Variants in LYPD6B observed in about 807,000 individuals in gnomAD.
The protein encoded by LYPD6B is ly6/PLAUR domain-containing protein 6B.
A neutral mutation model predicts 22.8 loss-of-function variants in LYPD6B; 17 were observed. That is an observed-to-expected ratio of 0.75 (90% confidence interval 0.51 to 1.12). The LOEUF (loss-of-function observed/expected upper bound fraction) is 1.12, where lower values mean the gene tolerates loss of function less well. Ranked by LOEUF, LYPD6B falls within the 50% of genes most tolerant of loss-of-function variation. LYPD6B has a pLI of 0.00. For missense variants in LYPD6B, 221 were observed against 258.3 expected, an observed-to-expected ratio of 0.86 and a Z score of 0.99; for synonymous variants, 106 against 91.6, an observed-to-expected ratio of 1.16 and a Z score of -0.90.
intron 1 of LYPD6B, among the ~76,000 whole-genome samples, chr2:149,049,077 A>G (rs1398808323): frequency 6.6e-6 from 1 of 152,162 alleles, no homozygotes; most frequent in Non-Finnish European, 1.5e-5. Flanking sequence ...TGTTATTCCA[A>G]TGTAAATGGC....
At chr2:149,143,670 CAGTAAATAACCCCCACAG>C (rs1366655851) in intron 2 of LYPD6B, among the ~76,000 whole-genome samples, 1 of 152,090 alleles carries the variant, frequency 6.6e-6, no homozygotes, top group Non-Finnish European at 1.5e-5. Flanking sequence ...TCACGAGATG[CAGTAAATAACCCCCACAG>C]AGTTTAATTG....
chr2:149,197,566 A>G (rs1692892332), intron 3 of LYPD6B, among the ~76,000 whole-genome samples: 1 of 152,122 alleles, frequency 6.6e-6, no homozygotes, highest in South Asian at 2.1e-4. Context: ...CTCAAAACGA[A>G]TTTCAGGTGT....
intron 2 of LYPD6B, among the ~76,000 whole-genome samples, chr2:149,152,341 C>T (rs1456676728): frequency 6.6e-6 from 1 of 152,166 alleles, no homozygotes; most frequent in Non-Finnish European, 1.5e-5. Context: ...GTAACTAAAG[C>T]AGAGTTCTGT....
chr2:149,092,508 C>A (rs557119599), intron 1 of LYPD6B, among the ~76,000 whole-genome samples: 26 of 152,210 alleles, frequency 1.7e-4, no homozygotes, highest in African/African-American at 6.3e-4. Flanking sequence ...AGTTGACTTT[C>A]CATATCTGCT....
intron 1 of LYPD6B, among the ~76,000 whole-genome samples, chr2:149,066,993 A>G (rs1394430771): frequency 6.6e-6 from 1 of 152,048 alleles, no homozygotes; most frequent in Non-Finnish European, 1.5e-5. Flanking sequence ...TCCTGTGTCT[A>G]TTGTAGCTAT....
intron 1 of LYPD6B, among the ~76,000 whole-genome samples, chr2:149,080,761 G>C (rs1180394125): frequency 7.1e-6 from 1 of 140,938 alleles, no homozygotes; most frequent in Non-Finnish European, 1.5e-5. Flanking sequence ...AGAATGGCTT[G>C]AACCTGGGAG....
Position 149,214,793 on chromosome 2 carries a change from A to C in LYPD6B, c.*83A>C. 7.0e-7 allele frequency: 1 copy of C among 1,432,278 alleles called. No individual in the cohort carries two copies. Among genetic ancestry groups the C allele is most frequent in the South Asian group, 1.2e-5 (1 of 84,300 alleles). 88.7% of individuals were successfully genotyped at this position (1,432,278 alleles called of 1,614,324 possible). A position where few individuals can be genotyped will look rare whatever the true frequency, so the allele number is the denominator to read the frequency against. On this transcript the variant is annotated 3_prime_UTR_variant, in exon 7 of 7. Coordinates refer to ENST00000409642, the MANE Select transcript of LYPD6B (RefSeq NM_177964.5). ...GTGAACGGTGAACTTTGGAGTGAAGATCAATCTTGCACTTGGTGAAGAGTG... is the reference window on the plus strand; with the variant it reads ...GTGAACGGTGAACTTTGGAGTGAAGCTCAATCTTGCACTTGGTGAAGAGTG...
chr2:149,144,475 T>C (rs114560395), intron 2 of LYPD6B, among the ~76,000 whole-genome samples: 3,670 of 152,266 alleles, frequency 0.024, 77 homozygotes, highest in Non-Finnish European at 0.037. Context: ...CACTGTACTT[T>C]CCACCTCCCA....
Position 149,121,614 on chromosome 2 carries a change from G to A in LYPD6B, c.-66-9269G>A, listed in dbSNP as rs187224172. On this transcript the variant is annotated intron_variant, in intron 1 of 6. Coordinates refer to ENST00000409642, the MANE Select transcript of LYPD6B (RefSeq NM_177964.5). ...GTCATGTCCAGCTCTGGGCTGAAGGGATGAGAGAGGAACATAGTGTTTCAT... is the reference window on the plus strand; with the variant it reads ...GTCATGTCCAGCTCTGGGCTGAAGGAATGAGAGAGGAACATAGTGTTTCAT... Among the ~76,000 whole-genome samples, 13 of 152,308 alleles carry A rather than the reference G, an allele frequency of 8.5e-5. No individual in the cohort carries two copies. In the East Asian group the frequency reaches 2.5e-3, roughly 29 times the overall value.
In LYPD6B at chr2:149,180,988, G is replaced by A. The variant is rs371382560; in HGVS notation, c.77+20153G>A. 3.7e-4 allele frequency among the ~76,000 whole-genome samples: 57 copies of A among 152,272 alleles called. No homozygotes were observed. In the South Asian group the frequency reaches 3.9e-3, roughly 11 times the overall value. ...TGGCTGGGGATGGACTAGATTGTTG[G>A]CTTTTCAGATGTGTTAAGCTATGGA... is the stretch of plus-strand genomic sequence containing the variant. On this transcript the variant is annotated intron_variant, in intron 3 of 6. Coordinates refer to ENST00000409642, the MANE Select transcript of LYPD6B (RefSeq NM_177964.5).
intron 1 of LYPD6B, among the ~76,000 whole-genome samples, chr2:149,084,965 A>G (rs1685318049): frequency 7.9e-5 from 12 of 152,094 alleles, no homozygotes. Context: ...AAGGATACCA[A>G]CTCCAGAAGA....
intron 3 of LYPD6B, among the ~76,000 whole-genome samples, chr2:149,161,693 G>C (rs1244700764): frequency 9.9e-5 from 15 of 152,170 alleles, no homozygotes; most frequent in African/African-American, 3.6e-4. Flanking sequence ...CTTTGCATCT[G>C]ATGGCTGGAA....
intron 1 of LYPD6B, among the ~76,000 whole-genome samples, chr2:149,082,298 G>A (rs1187885640): frequency 2.0e-5 from 3 of 152,186 alleles, no homozygotes; most frequent in Non-Finnish European, 4.4e-5. Flanking sequence ...GGGAGGAACA[G>A]CTGGATTAGG....
At chr2:149,148,703 CTG>C (rs961773417) in intron 2 of LYPD6B, among the ~76,000 whole-genome samples, 1 of 152,166 alleles carries the variant, frequency 6.6e-6, no homozygotes, top group African/African-American at 2.4e-5. Context: ...ATTTAAAAAA[CTG>C]TGCTGGCCAA....
chr2:149,120,311 G>A (rs13424524), intron 1 of LYPD6B, among the ~76,000 whole-genome samples: 8 of 105,134 alleles, frequency 7.6e-5, no homozygotes, highest in East Asian at 3.8e-4. Context: ...ATATATATAT[G>A]TGTATATATA....
In LYPD6B at chr2:149,213,131, C is replaced by CGTGT. The variant is rs56171871; in HGVS notation, c.459+18_459+21dup. ...GAGATTCTGAACATACGGTAAGGAT[C>CGTGT]GTGTGTGTGTGTTATTGTCTAAACT... On this transcript the variant is annotated intron_variant, in intron 6 of 6. Coordinates refer to ENST00000409642, the MANE Select transcript of LYPD6B (RefSeq NM_177964.5). 11 of 1,604,578 alleles carry CGTGT rather than the reference C, an allele frequency of 6.9e-6. No individual in the cohort carries two copies. Among genetic ancestry groups the CGTGT allele is most frequent in the Non-Finnish European group, 9.4e-6 (11 of 1,172,866 alleles).
chr2:149,179,116 C>G (rs1691530834), intron 3 of LYPD6B, among the ~76,000 whole-genome samples: 1 of 152,162 alleles, frequency 6.6e-6, no homozygotes, highest in African/African-American at 2.4e-5. Context: ...CTGGCCTGCT[C>G]CCACCTCCCA....
chr2:149,115,253 T>A (rs147209050), intron 1 of LYPD6B, among the ~76,000 whole-genome samples: 2 of 152,324 alleles, frequency 1.3e-5, no homozygotes, highest in Non-Finnish European at 2.9e-5. Context: ...GTGATTTAAA[T>A]AAATATTACC....
rs1691045752 is a variant in LYPD6B at position 149,173,857 on chromosome 2, G to A, written c.77+13022G>A. 3.3e-5 allele frequency among the ~76,000 whole-genome samples: 5 copies of A among 152,094 alleles called. No homozygotes were observed. The South Asian group carries it at 1.0e-3, about 32-fold the overall frequency. On this transcript the variant is annotated intron_variant, in intron 3 of 6. Transcript: ENST00000409642. ...AGATTTGTTTATTTGTGAATGTTCA[G>A]TGTCATGTCTAGTACTCAGTTTACA... is the stretch of plus-strand genomic sequence containing the variant.
Sources: allele counts gnomAD v4.1 joint callset (sites outside exome capture counted in the v4.1 genomes callset), GRCh38; gene constraint gnomAD v4.1.1; transcripts MANE v1.5; gene names NCBI Gene and HGNC (gene_info 2026-07-23, HGNC 2026-07-21).